RARB: variants seen among roughly 807,000 people sequenced by gnomAD.
RARB encodes retinoic acid receptor beta.
Under a neutral mutation model 51.9 loss-of-function variants are expected in RARB, and 17 were observed. That is an observed-to-expected ratio of 0.33 (90% CI 0.22 to 0.49). RARB has a LOEUF of 0.49. Among genes scored for constraint, RARB ranks in the 20% least tolerant of loss-of-function variants. The pLI, the probability that RARB is intolerant of heterozygous loss-of-function variation, is 0.99. For missense variants in RARB, 369 were observed against 550.8 expected (o/e 0.67, Z 3.30); for synonymous variants, 215 against 195.4 (o/e 1.10, Z -0.84).
chr3:25,282,178 C>A (rs1349865182), intron 5 of RARB, among the ~76,000 whole-genome samples: 2 of 152,086 alleles, frequency 1.3e-5, no homozygotes, highest in African/African-American at 4.8e-5. Context: ...CCTGTATTAC[C>A]CTACTGACTA....
At position 24,840,363 on chromosome 3, in the gene RARB, C is replaced by G. The variant is rs149752202; in HGVS notation, c.-459+10960C>G. ...GGCACAGAATAGTTAGAATTTGAATCAGTTGATCCTCCATTGCTTCTCTGT... is the reference window on the plus strand; with the variant it reads ...GGCACAGAATAGTTAGAATTTGAATGAGTTGATCCTCCATTGCTTCTCTGT... On this transcript the variant is annotated intron_variant, in intron 1 of 11. Transcript: ENST00000383772. Among the ~76,000 whole-genome samples the G allele has an allele frequency of 2.2e-3, 339 of 152,260 alleles. 1 individual carries two copies. The highest frequency in any genetic ancestry group is 7.9e-3 in the African/African-American group (328 of 41,544).
chr3:25,336,847 C>T (rs1361364410), intron 5 of RARB, among the ~76,000 whole-genome samples: 6 of 152,104 alleles, frequency 3.9e-5, no homozygotes, highest in Non-Finnish European at 5.9e-5. Flanking sequence ...CGCTGTAGAA[C>T]GGCTCACTTG....
At chr3:25,384,252 A>G (rs79027782) in intron 5 of RARB, among the ~76,000 whole-genome samples, 5,298 of 152,182 alleles carry the variant, frequency 0.035, 295 homozygotes, top group African/African-American at 0.12. Flanking sequence ...TTTATCTGAA[A>G]AGTCAGTATA....
At position 25,593,589 on chromosome 3, in the gene RARB, C is replaced by T; in HGVS notation, c.873C>T (p.His291=). ...TTACCCTAAATCGAACTCAGATGCACAATGCTGGATTTGGTCCTCTGACTG... is the reference window on the plus strand; with the variant it reads ...TTACCCTAAATCGAACTCAGATGCATAATGCTGGATTTGGTCCTCTGACTG... ...DGLTLNRTQM[H]NAGFGPLTDL... The change falls in exon 6 of 8, where the codon CAC becomes CAT. Residue 291 remains histidine (H), a synonymous_variant. Transcript: ENST00000330688. The T allele has an allele frequency of 6.2e-7, 1 of 1,614,040 alleles. No homozygotes were observed. Among genetic ancestry groups the T allele is most frequent in the Non-Finnish European group, 8.5e-7 (1 of 1,179,958 alleles).
intron 2 of RARB, among the ~76,000 whole-genome samples, chr3:24,955,918 C>T (rs1305159589): frequency 6.6e-6 from 1 of 152,170 alleles, no homozygotes; most frequent in Non-Finnish European, 1.5e-5. Context: ...ATAGGGATGA[C>T]ATCCAGTCTC....
At chr3:25,123,072 T>C (rs565943097) in intron 3 of RARB, among the ~76,000 whole-genome samples, 11 of 152,134 alleles carry the variant, frequency 7.2e-5, no homozygotes, top group East Asian at 1.9e-4. Context: ...TGCATGAGCA[T>C]TGAGGTACAC....
chr3:24,851,331 G>A (rs892869761), intron 1 of RARB, among the ~76,000 whole-genome samples: 1 of 151,962 alleles, frequency 6.6e-6, no homozygotes, highest in Non-Finnish European at 1.5e-5. Flanking sequence ...GGAGGCTGTA[G>A]TGGGAGAATG....
At chr3:25,545,885 A>ACC (rs1699597812) in intron 3 of RARB, among the ~76,000 whole-genome samples, 3 of 152,292 alleles carry the variant, frequency 2.0e-5, no homozygotes, top group African/African-American at 7.2e-5. Context: ...GTTTGGGGAG[A>ACC]AAATAATAAA....
intron 5 of RARB, among the ~76,000 whole-genome samples, chr3:25,290,557 T>G (rs1183987064): frequency 2.0e-5 from 3 of 152,214 alleles, no homozygotes; most frequent in Non-Finnish European, 4.4e-5. Flanking sequence ...CTGGGGAAGA[T>G]GATTCCTTCA....
intron 2 of RARB, among the ~76,000 whole-genome samples, chr3:24,932,893 T>C (rs1039869989): frequency 6.6e-6 from 1 of 152,128 alleles, no homozygotes; most frequent in East Asian, 1.9e-4. Flanking sequence ...AGAAAGTAAT[T>C]AATGATTATG....
At chr3:24,834,426 T>C (rs1270039631) in intron 1 of RARB, among the ~76,000 whole-genome samples, 2 of 152,218 alleles carry the variant, frequency 1.3e-5, no homozygotes, top group African/African-American at 4.8e-5. Flanking sequence ...CAATGTTGTA[T>C]ACAGATTTTT....
intron 2 of RARB, among the ~76,000 whole-genome samples, chr3:25,478,449 G>A (rs182154525): frequency 1.3e-5 from 2 of 152,224 alleles, no homozygotes; most frequent in East Asian, 3.9e-4. Flanking sequence ...CTGTGCCCTC[G>A]GAAGACTAGT....
At chr3:25,080,878 A>G (rs1698980517) in intron 3 of RARB, among the ~76,000 whole-genome samples, 1 of 152,112 alleles carries the variant, frequency 6.6e-6, no homozygotes. Context: ...CTTAATTTTG[A>G]TGAAATCCAA....
At chr3:24,893,737 T>C (rs1372612874) in intron 2 of RARB, among the ~76,000 whole-genome samples, 4 of 151,824 alleles carry the variant, frequency 2.6e-5, no homozygotes, top group African/African-American at 9.7e-5. Flanking sequence ...GTTGCCTAGG[T>C]GGGTCTCAGA....
chr3:25,198,642 A>G (rs556090144), intron 5 of RARB, among the ~76,000 whole-genome samples: 1 of 152,260 alleles, frequency 6.6e-6, no homozygotes, highest in East Asian at 1.9e-4. Context: ...TTGAATAGAT[A>G]TTTCTCAAAA....
intron 4 of RARB, among the ~76,000 whole-genome samples, chr3:25,136,597 T>C (rs902921293): frequency 2.0e-5 from 3 of 152,028 alleles, no homozygotes; most frequent in South Asian, 2.1e-4. Context: ...ATGGTTGAAA[T>C]GGCCATAGAA....
chr3:25,460,182 T>C (rs2125553944), intron 1 of RARB, among the ~76,000 whole-genome samples: 1 of 152,344 alleles, frequency 6.6e-6, no homozygotes, highest in South Asian at 2.1e-4. Flanking sequence ...TCTGGGGATT[T>C]CATCAAAATG....
intron 2 of RARB, among the ~76,000 whole-genome samples, chr3:25,500,742 G>A (rs929831085): frequency 6.6e-6 from 1 of 152,032 alleles, no homozygotes; most frequent in South Asian, 2.1e-4. Flanking sequence ...GCCTCCCAAA[G>A]TGCTGGGATT....
intron 2 of RARB, among the ~76,000 whole-genome samples, chr3:24,948,656 G>A (rs551305494): frequency 2.6e-5 from 4 of 152,272 alleles, no homozygotes; most frequent in South Asian, 2.1e-4. Flanking sequence ...ATCTCATGTC[G>A]AGATGTTGGA....
Sources: gnomAD v4.1 joint callset for allele counts (sites outside exome capture counted in the v4.1 genomes callset) on GRCh38, gnomAD v4.1.1 for gene constraint, MANE v1.5 for transcripts, NCBI Gene and HGNC (gene_info 2026-07-23, HGNC 2026-07-21) for gene names.